Variants in DZIP3 observed in about 807,000 individuals in gnomAD.
The protein encoded by DZIP3 is E3 ubiquitin-protein ligase DZIP3.
In DZIP3, 118 loss-of-function variants were observed where a neutral mutation model predicts 162.0. The ratio of observed to expected loss-of-function variants is 0.73; its 90% CI spans 0.63 to 0.85. The LOEUF (loss-of-function observed/expected upper bound fraction) is 0.85. Ranked by LOEUF, DZIP3 falls within the 40% of genes least tolerant of loss-of-function variation. The probability of loss-of-function intolerance (pLI) is 0.00; values close to 1 mark genes in which losing one functional copy is unlikely to be tolerated. For synonymous variants in DZIP3, 438 were observed against 458.6 expected (o/e 0.96, Z 0.57); for missense variants, 1,331 against 1,407.0 (o/e 0.95, Z 0.86).
At position 108,677,509 on chromosome 3, in the gene DZIP3, G is replaced by A. The variant is rs1175466313; in HGVS notation, c.2794G>A (p.Glu932Lys). 15 of 1,612,356 alleles carry A rather than the reference G, an allele frequency of 9.3e-6. No individual in the cohort carries two copies. The highest frequency in any genetic ancestry group is 1.2e-5 in the Non-Finnish European group (14 of 1,178,842). ...CTTCTTCTACCAGACACAGTACAAT[G>A]AACAAATAAACAAAGTCAAGCAAGG... ...KIAFLRTQYNEQINKVKQGFA... is the reference protein window; with the variant it reads ...KIAFLRTQYNKQINKVKQGFA... The change falls in exon 26 of 33, where the codon GAA becomes AAA. Residue 932 changes from glutamate (E) to lysine (K), a missense_variant. Around this residue, in one of 2 missense-constraint regions of DZIP3, gnomAD observed 1,278 missense variants for 1,317.1 expected, o/e 0.97. Coordinates refer to ENST00000361582, the MANE Select transcript of DZIP3 (RefSeq NM_014648.4).
chr3:108,627,674 A>G (rs563468560), intron 7 of DZIP3, among the ~76,000 whole-genome samples: 1 of 152,248 alleles, frequency 6.6e-6, no homozygotes, highest in South Asian at 2.1e-4. Flanking sequence ...TTTCCATATC[A>G]GTGTACACTT....
chr3:108,646,817 T>G (rs1576411397), intron 15 of DZIP3, among the ~76,000 whole-genome samples, 168 bp downstream of exon 15: 1 of 152,062 alleles, frequency 6.6e-6, no homozygotes, highest in South Asian at 2.1e-4. Context: ...CTGAGGCAGG[T>G]GGATCACAAG....
chr3:108,609,275 A>G (rs1356290296), intron 3 of DZIP3, among the ~76,000 whole-genome samples: 4 of 152,208 alleles, frequency 2.6e-5, no homozygotes, highest in Non-Finnish European at 4.4e-5. Flanking sequence ...ATATATAAAC[A>G]TAAAATAAGC....
At chr3:108,594,592 C>G (rs915919239) in intron 1 of DZIP3, among the ~76,000 whole-genome samples, 2 of 151,966 alleles carry the variant, frequency 1.3e-5, no homozygotes, top group African/African-American at 4.8e-5. Flanking sequence ...TCTTCCTCCT[C>G]CCACCCTCTG....
chr3:108,620,623 T>G (rs2107546983), intron 5 of DZIP3, among the ~76,000 whole-genome samples: 2 of 152,258 alleles, frequency 1.3e-5, no homozygotes, highest in South Asian at 4.1e-4. Context: ...CACACCCACC[T>G]CTCTCCCTCT....
intron 19 of DZIP3, among the ~76,000 whole-genome samples, chr3:108,661,018 C>CACTTTTA: frequency 6.6e-6 from 1 of 152,312 alleles, no homozygotes; most frequent in Middle Eastern, 3.4e-3. Flanking sequence ...GAAATAGGAA[C>CACTTTTA]ACTTTTACAC....
At chr3:108,649,090 T>C in intron 17 of DZIP3, 128 bp downstream of exon 17, 1 of 494,664 alleles carries the variant, frequency 2.0e-6, no homozygotes. Context: ...TTACTGAGTA[T>C]ATGATTATAG....
chr3:108,620,766 A>C (rs1457110077), intron 5 of DZIP3, among the ~76,000 whole-genome samples: 1 of 152,176 alleles, frequency 6.6e-6, no homozygotes, highest in Non-Finnish European at 1.5e-5. Flanking sequence ...ATTTTGCAGA[A>C]TCCATGTGGG....
chr3:108,614,013 T>C (rs1940866156), intron 4 of DZIP3, among the ~76,000 whole-genome samples: 1 of 152,144 alleles, frequency 6.6e-6, no homozygotes, highest in African/African-American at 2.4e-5. Flanking sequence ...GCTTGAGATG[T>C]AAATATTAGA....
At position 108,634,948 on chromosome 3, in the gene DZIP3, A is replaced by G. The variant is rs1410341930; in HGVS notation, c.894A>G (p.Leu298=). The G allele has an allele frequency of 6.2e-7, 1 of 1,607,098 alleles. No individual in the cohort carries two copies. The highest frequency in any genetic ancestry group is 1.7e-5 in the Admixed American group (1 of 59,704). The change falls in exon 10 of 33, where the codon TTA becomes TTG. Residue 298 remains leucine, a synonymous_variant. Transcript: ENST00000361582. ...TTTGCTGGAAAAAGTTCAAGAATTT[A>G]AAGTATCCAGGTGAAAATGATCAGG... is the stretch of plus-strand genomic sequence containing the variant. The part of the protein sequence containing the change: ...HKICWKKFKN[L]KYPGENDQSF...
intron 9 of DZIP3, among the ~76,000 whole-genome samples, chr3:108,633,449 G>A (rs1054373978): frequency 2.0e-5 from 3 of 151,984 alleles, no homozygotes; most frequent in Non-Finnish European, 2.9e-5. Flanking sequence ...GGAGAAGGCT[G>A]TCACTCCGCA....
intron 6 of DZIP3, among the ~76,000 whole-genome samples, chr3:108,625,497 C>T (rs538357750): frequency 6.6e-6 from 1 of 152,276 alleles, no homozygotes; most frequent in African/African-American, 2.4e-5. Flanking sequence ...TGGGCTCAAG[C>T]AATCCTCCTG....
intron 10 of DZIP3, 48 bp downstream of exon 10, chr3:108,635,020 T>G (rs778470441): frequency 2.3e-5 from 27 of 1,195,900 alleles, no homozygotes; most frequent in Non-Finnish European, 3.1e-5. Flanking sequence ...TCCTCTACCC[T>G]TTCCTCTTTT....
At chr3:108,652,257 C>G (rs899740026) in intron 18 of DZIP3, among the ~76,000 whole-genome samples, 3 of 151,726 alleles carry the variant, frequency 2.0e-5, no homozygotes, top group African/African-American at 7.2e-5. Context: ...AACATATATA[C>G]CTATAACTCT....
chr3:108,661,926 G>C lies in DZIP3; in HGVS notation c.2249G>C (p.Arg750Thr), dbSNP rs769789473. The change falls in exon 20 of 33, where the codon AGG (arginine) becomes ACG (threonine). Residue 750 changes from arginine (R) to threonine (T), a missense_variant. This residue lies in a region of DZIP3 where 1,278 missense variants were observed against 1,317.1 expected (regional missense o/e 0.97). Transcript: ENST00000361582. Reference sequence around the variant, plus strand: ...GACTATGGAGAAACTGAAAAGGAAAGGCTTGCTCGTCAAAGGCAGCTTTAT... The same window carrying C: ...GACTATGGAGAAACTGAAAAGGAAACGCTTGCTCGTCAAAGGCAGCTTTAT... ...TTDYGETEKE[R>T]LARQRQLYKL... 1.9e-6 allele frequency: 3 copies of C among 1,613,982 alleles called. No individual in the cohort carries two copies. The highest frequency in any genetic ancestry group is 2.5e-6 in the Non-Finnish European group (3 of 1,179,928).
chr3:108,677,430 A>T (rs1944154407), intron 25 of DZIP3, 67 bp from the exon 26 acceptor site: 3 of 1,289,084 alleles, frequency 2.3e-6, no homozygotes, highest in Non-Finnish European at 3.4e-6. Flanking sequence ...ACTACATCAG[A>T]TATTCCCATA....
chr3:108,681,323 G>C (rs182893124), intron 26 of DZIP3, among the ~76,000 whole-genome samples: 1 of 152,148 alleles, frequency 6.6e-6, no homozygotes, highest in East Asian at 1.9e-4. Context: ...ACAAACATAT[G>C]AAAAAAAGCT....
At position 108,654,294 on chromosome 3, in the gene DZIP3, T is replaced by C. The variant is rs1479009592; in HGVS notation, c.2183T>C (p.Leu728Pro). ...KFYSLDELHI[L>P]DMIEQGSAGK... is the part of the protein sequence containing the mutation. The stretch of plus-strand genomic sequence containing the variant: ...TATAGCCTGGATGAATTGCATATTC[T>C]GGACATGATAGAGCAGGTAAGCATG... Residue 728 changes from leucine to proline, a missense_variant, in exon 19 of 33, where the codon CTG becomes CCG. By Grantham distance (98) the Leu-to-Pro change is moderately conservative. Coordinates refer to ENST00000361582, the MANE Select transcript of DZIP3 (RefSeq NM_014648.4). The C allele has an allele frequency of 6.2e-7, 1 of 1,613,580 alleles. No individual in the cohort carries two copies. The highest frequency in any genetic ancestry group is 2.2e-5 in the East Asian group (1 of 44,852).
chr3:108,669,771 T>C (rs1234137115), intron 22 of DZIP3, 22 bp downstream of exon 22: 3 of 1,564,062 alleles, frequency 1.9e-6, no homozygotes, highest in African/African-American at 1.4e-5. Context: ...GCTTTTTCTT[T>C]GGGTGCACTC....
Sources: allele counts gnomAD v4.1 joint callset (sites outside exome capture counted in the v4.1 genomes callset), GRCh38; gene constraint gnomAD v4.1.1; regional missense constraint gnomAD v4.1.1; transcripts MANE v1.5; gene names NCBI Gene and HGNC (gene_info 2026-07-23, HGNC 2026-07-21).